The following CDYL variants were observed in gnomAD, a reference collection of about 807,000 sequenced individuals.
CDYL encodes the protein chromodomain Y-like protein.
CDYL carries 8 observed loss-of-function variants against 47.3 expected under a neutral mutation model. The ratio of observed to expected loss-of-function variants is 0.17; its 90% CI spans 0.10 to 0.31. The LOEUF (loss-of-function observed/expected upper bound fraction) is 0.31, where lower values mean the gene tolerates loss of function less well. Ranked by LOEUF, CDYL falls within the 10% of genes least tolerant of loss-of-function variation. CDYL has a pLI of 1.00. For missense variants in CDYL, 471 were observed against 701.4 expected, an observed-to-expected ratio of 0.67 and a Z score of 3.71; for synonymous variants, 266 against 265.0, an observed-to-expected ratio of 1.00 and a Z score of -0.04.
intron 3 of CDYL, among the ~76,000 whole-genome samples, chr6:4,741,536 A>G (rs1251398300): frequency 9.2e-5 from 14 of 152,084 alleles, no homozygotes. Flanking sequence ...TGCTTGCTGA[A>G]GCTCCCCCAG....
chr6:4,934,796 A>T lies in CDYL; in HGVS notation c.692-719A>T, dbSNP rs188811604. 2.7e-3 allele frequency among the ~76,000 whole-genome samples: 416 copies of T among 152,274 alleles called. 2 individuals carry two copies. Among genetic ancestry groups the T allele is most frequent in the African/African-American group, 7.3e-3 (305 of 41,556 alleles). On this transcript the variant is annotated intron_variant, in intron 2 of 6. Transcript: ENST00000397588. ...GAGCAACATAGCAAGACCCCATCTC[A>T]AGACCCTGGCAAAACACAGTTGCTG...
Position 4,933,551 on chromosome 6 carries a change from T to C in CDYL, c.692-1964T>C, listed in dbSNP as rs11969960. Reference sequence around the variant, plus strand: ...CAAGTGCAGGCAGGTGAGGCCGTGATGGGACTGAGACTGGAGGAACAGATT... The same window carrying C: ...CAAGTGCAGGCAGGTGAGGCCGTGACGGGACTGAGACTGGAGGAACAGATT... On this transcript the variant is annotated intron_variant, in intron 2 of 6. Transcript: ENST00000397588. 2.8e-3 allele frequency among the ~76,000 whole-genome samples: 432 copies of C among 152,264 alleles called. 2 individuals are homozygous for C. Among genetic ancestry groups the C allele is most frequent in the African/African-American group, 7.7e-3 (321 of 41,568 alleles).
At chr6:4,847,177 A>G (rs1236288998) in intron 1 of CDYL, among the ~76,000 whole-genome samples, 1 of 152,160 alleles carries the variant, frequency 6.6e-6, no homozygotes, top group African/African-American at 2.4e-5. Context: ...GGTAGTTGCA[A>G]ATTTCTGGTT....
intron 3 of CDYL, among the ~76,000 whole-genome samples, chr6:4,742,785 A>G (rs1757820474): frequency 6.6e-6 from 1 of 152,144 alleles, no homozygotes; most frequent in Non-Finnish European, 1.5e-5. Context: ...TTTCCTTGTC[A>G]GTTTTCCTCT....
At chr6:4,838,298 C>T (rs1242012047) in intron 1 of CDYL, among the ~76,000 whole-genome samples, 1 of 151,998 alleles carries the variant, frequency 6.6e-6, no homozygotes, top group Non-Finnish European at 1.5e-5. Context: ...TCTTTTATCC[C>T]TCACCCCCCT....
intron 1 of CDYL, among the ~76,000 whole-genome samples, chr6:4,779,165 A>T (rs916644681): frequency 3.3e-5 from 5 of 152,242 alleles, no homozygotes; most frequent in Admixed American, 1.3e-4. Flanking sequence ...AGTGATACGC[A>T]ATTGTAAATG....
chr6:4,773,671 C>T (rs1462580851), upstream of CDYL, among the ~76,000 whole-genome samples: 2 of 152,148 alleles, frequency 1.3e-5, no homozygotes, highest in African/African-American at 4.8e-5. The surrounding 1 kb of genome is among the most constrained non-coding windows in gnomAD (Gnocchi z 4.6). Context: ...TGAGAACTTC[C>T]TCAATTTCTC....
intron 1 of CDYL, among the ~76,000 whole-genome samples, chr6:4,708,553 T>C (rs532570895): frequency 6.6e-6 from 1 of 152,362 alleles, no homozygotes; most frequent in South Asian, 2.1e-4. Context: ...ATGTATCTGA[T>C]ATAGCTCAAG....
chr6:4,842,077 A>G (rs968646123), intron 1 of CDYL, among the ~76,000 whole-genome samples: 1 of 143,454 alleles, frequency 7.0e-6, no homozygotes, highest in Non-Finnish European at 1.5e-5. Flanking sequence ...ATTTATATAT[A>G]ATTATATATT....
rs922056281 is a variant in CDYL, at chr6:4,744,121, G to C, written c.186+9277G>C. On this transcript the variant is annotated intron_variant, in intron 3 of 8. Transcript: ENST00000328908. ...GAGCTGAATCACTACTGAGCAGGAC[G>C]AAGGTCAGATGGGAGTTGGGAAGGA... Among the ~76,000 whole-genome samples the C allele has an allele frequency of 2.0e-5, 3 of 152,168 alleles. No individual in the cohort carries two copies. In the South Asian group the frequency reaches 6.2e-4, roughly 32 times the overall value.
intron 1 of CDYL, among the ~76,000 whole-genome samples, chr6:4,863,759 G>A (rs1163577841): frequency 6.6e-6 from 1 of 152,224 alleles, no homozygotes; most frequent in Non-Finnish European, 1.5e-5. Flanking sequence ...TAATGCAGAA[G>A]CTGATTTCAA....
At chr6:4,866,304 A>C (rs920216121) in intron 1 of CDYL, among the ~76,000 whole-genome samples, 1 of 152,212 alleles carries the variant, frequency 6.6e-6, no homozygotes, top group African/African-American at 2.4e-5. Flanking sequence ...AAATAATTCC[A>C]AAACAAGGAT....
chr6:4,901,418 G>A (rs561927591), intron 2 of CDYL, among the ~76,000 whole-genome samples: 15 of 152,186 alleles, frequency 9.9e-5, no homozygotes, highest in South Asian at 2.1e-4. Context: ...TGTACCTTAA[G>A]GTTGGGAGCA....
chr6:4,952,434 C>T (rs779767164), intron 6 of CDYL, 25 bp downstream of exon 6: 100 of 1,580,406 alleles, frequency 6.3e-5, no homozygotes, highest in East Asian at 1.1e-4. Context: ...TTCTGTTACA[C>T]GTTACTTTTT....
intron 1 of CDYL, among the ~76,000 whole-genome samples, chr6:4,861,613 T>C (rs775643627): frequency 2.6e-5 from 4 of 152,236 alleles, no homozygotes; most frequent in African/African-American, 4.8e-5. Flanking sequence ...TATGTTTTCA[T>C]GAGTAAAGCT....
chr6:4,759,941 GAAAAGA>G (rs1758148235), intron 3 of CDYL, among the ~76,000 whole-genome samples: 3 of 49,346 alleles, frequency 6.1e-5, no homozygotes, highest in Admixed American at 2.1e-4. Context: ...AGAAAGAAAA[GAAAAGA>G]AAGAAAGAAA....
intron 3 of CDYL, among the ~76,000 whole-genome samples, chr6:4,768,550 A>T (rs1187588916): frequency 6.6e-6 from 1 of 152,238 alleles, no homozygotes; most frequent in African/African-American, 2.4e-5. Flanking sequence ...AATCCAGGGT[A>T]TAAAATAATC....
chr6:4,842,622 T>A (rs1760534784), intron 1 of CDYL, among the ~76,000 whole-genome samples: 1 of 152,162 alleles, frequency 6.6e-6, no homozygotes, highest in African/African-American at 2.4e-5. Context: ...GCACGGAATG[T>A]CTGTTTCACC....
intron 1 of CDYL, chr6:4,714,346 T>G (rs936956953): frequency 6.6e-6 from 1 of 151,908 alleles, no homozygotes; most frequent in African/African-American, 2.4e-5. Flanking sequence ...CTCCACCACT[T>G]ATTACTTAGG....
Sources: allele counts gnomAD v4.1 joint callset (sites outside exome capture counted in the v4.1 genomes callset), GRCh38; gene constraint gnomAD v4.1.1; non-coding constraint Gnocchi (gnomAD v3.1); transcripts MANE v1.5; gene names NCBI Gene and HGNC (gene_info 2026-07-23, HGNC 2026-07-21).